Variants in SUPT3H observed in about 807,000 individuals in gnomAD.
The protein encoded by SUPT3H is SPT3 homolog, SAGA and STAGA complex component, also known as transcription initiation protein SPT3 homolog.
In SUPT3H, 44 loss-of-function variants were observed where a neutral mutation model predicts 44.3. The ratio of observed to expected loss-of-function variants is 0.99; its 90% CI spans 0.78 to 1.28. The LOEUF (loss-of-function observed/expected upper bound fraction) is 1.28, where lower values mean the gene tolerates loss of function less well. Among genes scored for constraint, SUPT3H ranks in the 50% most tolerant of loss-of-function variants. SUPT3H has a pLI of 0.00. For missense variants in SUPT3H, 380 were observed against 387.1 expected (o/e 0.98, Z 0.15); for synonymous variants, 124 against 125.6 (o/e 0.99, Z 0.09).
chr6:45,266,791 C>T (rs1001414755), intron 2 of SUPT3H, among the ~76,000 whole-genome samples: 2 of 151,968 alleles, frequency 1.3e-5, no homozygotes, highest in African/African-American at 4.8e-5. Context: ...CATTAAGGAA[C>T]ATCTTCTTTA....
chr6:45,257,971 G>C (rs773516677), intron 2 of SUPT3H, among the ~76,000 whole-genome samples: 4 of 152,114 alleles, frequency 2.6e-5, no homozygotes, highest in Non-Finnish European at 5.9e-5. Context: ...TTTTAATAGT[G>C]ATATTTCCAT....
chr6:44,922,539 T>G (rs1359146227), intron 10 of SUPT3H, among the ~76,000 whole-genome samples: 1 of 152,152 alleles, frequency 6.6e-6, no homozygotes, highest in African/African-American at 2.4e-5. Flanking sequence ...AGGGGATTTT[T>G]TTGTCACACT....
intron 9 of SUPT3H, among the ~76,000 whole-genome samples, chr6:44,946,099 A>G (rs982449743): frequency 2.6e-5 from 4 of 152,222 alleles, no homozygotes; most frequent in African/African-American, 9.6e-5. Context: ...CCTAGATGAC[A>G]GCATATCCAT....
rs150812970 is a variant in SUPT3H at position 45,236,820 on chromosome 6, G to A, written c.101+128381C>T. On this transcript the variant is annotated intron_variant, in intron 2 of 10. Transcript: ENST00000371459. ...AATTACTCAAAGAATTTAAGCAAGC[G>A]ATTAATCAATATGGACCAGGTTCTC... 1.8e-4 allele frequency among the ~76,000 whole-genome samples: 28 copies of A among 152,088 alleles called. No homozygotes were observed. The East Asian group carries it at 4.9e-3, about 26-fold the overall frequency.
At chr6:45,163,830 C>A (rs1391117803) in intron 2 of SUPT3H, among the ~76,000 whole-genome samples, 1 of 151,064 alleles carries the variant, frequency 6.6e-6, no homozygotes, top group Admixed American at 6.6e-5. Context: ...AGGTCCTCAG[C>A]ATGCATTTAA....
At chr6:45,284,660 G>T (rs528563090) in intron 2 of SUPT3H, among the ~76,000 whole-genome samples, 1 of 152,146 alleles carries the variant, frequency 6.6e-6, no homozygotes, top group Non-Finnish European at 1.5e-5. Flanking sequence ...AATTCTACCA[G>T]AGTTACAAGG....
intron 2 of SUPT3H, among the ~76,000 whole-genome samples, chr6:45,170,182 G>T (rs762903908): frequency 3.9e-5 from 6 of 152,198 alleles, no homozygotes; most frequent in Non-Finnish European, 1.5e-5. Flanking sequence ...ATCAATATTT[G>T]TAATAGTTAC....
rs1236017598 is a variant in SUPT3H, at chr6:44,844,061, G to A, written c.913-14204C>T. Among the ~76,000 whole-genome samples, 3 of 151,968 alleles carry A rather than the reference G, an allele frequency of 2.0e-5. No individual in the cohort carries two copies. In the East Asian group the frequency reaches 5.8e-4, roughly 29 times the overall value. ...TTGGCACAGATAGAAATGCAGATCA[G>A]TGAAACAGATGAGAGAGTCCAAATA... On this transcript the variant is annotated intron_variant, in intron 10 of 10. Transcript: ENST00000371459.
chr6:44,873,429 T>A (rs1776756945), intron 10 of SUPT3H, among the ~76,000 whole-genome samples: 1 of 35,012 alleles, frequency 2.9e-5, no homozygotes, highest in African/African-American at 9.1e-5. Context: ...AAGGCAGAAA[T>A]AAAGATGTTC....
Position 44,939,513 on chromosome 6 carries a change from C to T in SUPT3H, c.802-6750G>A, listed in dbSNP as rs116110467. On this transcript the variant is annotated intron_variant, in intron 9 of 10. Transcript: ENST00000371459. ...GTCTGTGTTCATCAGGGATATTGGT[C>T]TGTACTTTTCTGTTTTTGTTGTGTC... Among the ~76,000 whole-genome samples, 717 of 152,060 alleles carry T rather than the reference C, an allele frequency of 4.7e-3. 9 individuals carry two copies. Among genetic ancestry groups the T allele is most frequent in the African/African-American group, 0.016 (669 of 41,510 alleles).
intron 3 of SUPT3H, among the ~76,000 whole-genome samples, chr6:45,072,735 T>C (rs1485825498): frequency 6.6e-6 from 1 of 152,102 alleles, no homozygotes; most frequent in Non-Finnish European, 1.5e-5. Context: ...GAATCTCTTT[T>C]TGATGCAGAG....
intron 10 of SUPT3H, among the ~76,000 whole-genome samples, chr6:44,877,090 C>T (rs960080461): frequency 1.3e-5 from 2 of 152,078 alleles, no homozygotes; most frequent in African/African-American, 2.4e-5. Context: ...ATAATGTAGC[C>T]TTCTTTACTC....
chr6:45,176,986 A>C (rs1812057830), intron 2 of SUPT3H, among the ~76,000 whole-genome samples: 1 of 152,198 alleles, frequency 6.6e-6, no homozygotes, highest in Non-Finnish European at 1.5e-5. Context: ...GAGCAGAAAA[A>C]CTGGAAACTC....
At position 45,280,657 on chromosome 6, in the gene SUPT3H, T is replaced by G. The variant is rs559178652; in HGVS notation, c.101+84544A>C. On this transcript the variant is annotated intron_variant, in intron 2 of 10. Transcript: ENST00000371459. ...TATTCAGAACACGTGAGGATTATTA[T>G]TAATTACTCCCCTTGTAACATGAAC... Among the ~76,000 whole-genome samples, 239 of 152,348 alleles carry G rather than the reference T, an allele frequency of 1.6e-3. 2 individuals are homozygous for G. The highest frequency in any genetic ancestry group is 5.3e-3 in the African/African-American group (222 of 41,578).
intron 2 of SUPT3H, among the ~76,000 whole-genome samples, chr6:45,324,661 T>C (rs1437769801): frequency 1.3e-5 from 2 of 151,380 alleles, no homozygotes; most frequent in East Asian, 1.9e-4. Context: ...GCAGGAGAGA[T>C]TGACTTAGCA....
intron 3 of SUPT3H, among the ~76,000 whole-genome samples, chr6:45,022,390 G>A (rs1785268263): frequency 6.8e-6 from 1 of 146,090 alleles, no homozygotes; most frequent in South Asian, 2.2e-4. Flanking sequence ...TAAAGACACA[G>A]AAGAGTTGAA....
chr6:45,015,557 T>G (rs2153514468), intron 4 of SUPT3H, among the ~76,000 whole-genome samples: 1 of 152,180 alleles, frequency 6.6e-6, no homozygotes. Flanking sequence ...ATTTAAAATT[T>G]TTCTTTCTTC....
At chr6:44,891,424 G>A (rs183317603) in intron 10 of SUPT3H, among the ~76,000 whole-genome samples, 2 of 152,078 alleles carry the variant, frequency 1.3e-5, no homozygotes, top group Non-Finnish European at 2.9e-5. Flanking sequence ...AACCATAAAA[G>A]GGAACAAAAT....
At chr6:45,284,777 C>G (rs531798027) in intron 2 of SUPT3H, among the ~76,000 whole-genome samples, 1 of 152,246 alleles carries the variant, frequency 6.6e-6, no homozygotes, top group African/African-American at 2.4e-5. Flanking sequence ...CAAAGACTAG[C>G]AGAGACACAA....
Sources: allele counts gnomAD v4.1 joint callset (sites outside exome capture counted in the v4.1 genomes callset), GRCh38; gene constraint gnomAD v4.1.1; transcripts MANE v1.5; gene names NCBI Gene and HGNC (gene_info 2026-07-23, HGNC 2026-07-21).